Variants in MAP2K5 observed in about 807,000 individuals in gnomAD.
MAP2K5 encodes the protein dual specificity mitogen-activated protein kinase kinase 5.
MAP2K5 carries 49 observed loss-of-function variants against 83.1 expected under a neutral mutation model. That is an observed-to-expected ratio of 0.59 (90% CI 0.47 to 0.75). MAP2K5 has a LOEUF of 0.75. MAP2K5 is among the 30% of genes least tolerant of loss of function. The pLI is 0.00. For synonymous variants in MAP2K5, 202 were observed against 191.8 expected (o/e 1.05, Z -0.44); for missense variants, 457 against 557.5 (o/e 0.82, Z 1.82).
At position 67,650,576 on chromosome 15, in the gene MAP2K5, A is replaced by G. The variant is rs191350914; in HGVS notation, c.736+4107A>G. Among the ~76,000 whole-genome samples, 144 of 148,522 alleles carry G rather than the reference A, an allele frequency of 9.7e-4. 1 individual carries two copies. Among genetic ancestry groups the G allele is most frequent in the Non-Finnish European group, 1.9e-3 (129 of 67,268 alleles). On this transcript the variant is annotated intron_variant, in intron 11 of 21. Transcript: ENST00000178640. ...TTTGTCAAATGCCTGTTTTATATCTATTGAAATAATCGTGCATATTTGGTC... is the reference window on the plus strand; with the variant it reads ...TTTGTCAAATGCCTGTTTTATATCTGTTGAAATAATCGTGCATATTTGGTC...
At position 67,563,444 on chromosome 15, in the gene MAP2K5, C is replaced by T; in HGVS notation, c.252+94C>T. Reference sequence around the variant, plus strand: ...ATAGTGAAGACGAGTAAATAAATCACAGTTGTCATACATTTTTCTATATAA... The same window carrying T: ...ATAGTGAAGACGAGTAAATAAATCATAGTTGTCATACATTTTTCTATATAA... On this transcript the variant is annotated intron_variant, in intron 3 of 21. Coordinates refer to ENST00000178640, the MANE Select transcript of MAP2K5 (RefSeq NM_145160.3). This position sits in a 1 kb window ranked among gnomAD's most constrained non-coding sequence, Gnocchi z 4.5. 1 of 1,441,538 alleles carries T rather than the reference C, an allele frequency of 6.9e-7. No individual in the cohort carries two copies. The highest frequency in any genetic ancestry group is 1.4e-5 in the African/African-American group (1 of 70,546). 89.3% of individuals were successfully genotyped at this position (1,441,538 alleles called of 1,614,324 possible). A position where few individuals can be genotyped will look rare whatever the true frequency, so the allele number is the denominator to read the frequency against.
At chr15:67,752,529 T>TGAGCC (rs2089742996) in intron 19 of MAP2K5, among the ~76,000 whole-genome samples, 2 of 151,312 alleles carry the variant, frequency 1.3e-5, no homozygotes, top group African/African-American at 2.4e-5. Context: ...AATACAAAAA[T>TGAGCC]GAGCCGAGCC....
chr15:67,627,130 T>A (rs1474697402), intron 8 of MAP2K5, among the ~76,000 whole-genome samples: 1 of 152,010 alleles, frequency 6.6e-6, no homozygotes, highest in African/African-American at 2.4e-5. Flanking sequence ...TTATTTTTTT[T>A]AAAAGACAGT....
intron 11 of MAP2K5, 113 bp from the exon 12 acceptor site, chr15:67,658,440 A>G (rs951241930): frequency 5.2e-5 from 41 of 783,084 alleles, no homozygotes; most frequent in Non-Finnish European, 7.3e-5. Flanking sequence ...TACACATCCA[A>G]TGCATGCTGT....
In MAP2K5 at chr15:67,628,724, A is replaced by G; in HGVS notation, c.546-2164A>G. 5 of 786,408 alleles carry G rather than the reference A, an allele frequency of 6.4e-6. No homozygotes were observed. The South Asian group carries it at 6.7e-5, about 10-fold the overall frequency. 48.7% of individuals were successfully genotyped at this position (786,408 alleles called of 1,614,324 possible). Reference sequence around the variant, plus strand: ...TAGGAAAGCCCTGTTAAAGCAAGAGATGGCTAATGCTTCAGCCAGCCAAAG... The same window carrying G: ...TAGGAAAGCCCTGTTAAAGCAAGAGGTGGCTAATGCTTCAGCCAGCCAAAG... On this transcript the variant is annotated intron_variant, in intron 8 of 21. Transcript: ENST00000178640.
intron 15 of MAP2K5, among the ~76,000 whole-genome samples, chr15:67,695,199 T>G (rs2088220532): frequency 6.6e-6 from 1 of 151,960 alleles, no homozygotes; most frequent in Admixed American, 6.6e-5. Context: ...GCATGGCACA[T>G]GTATACATAT....
intron 1 of MAP2K5, chr15:67,546,350 A>G (rs1255621815): frequency 6.6e-6 from 1 of 152,510 alleles, no homozygotes; most frequent in East Asian, 1.9e-4. Context: ...ATACCTTGCT[A>G]AAGCCACCCA....
intron 12 of MAP2K5, chr15:67,658,971 T>G: frequency 5.5e-6 from 2 of 364,096 alleles, no homozygotes; most frequent in South Asian, 4.5e-5. Flanking sequence ...TTAAAAAGTC[T>G]GAGTTGTTAA....
chr15:67,624,636 T>A (rs1488115946), intron 8 of MAP2K5, among the ~76,000 whole-genome samples: 3 of 123,374 alleles, frequency 2.4e-5, no homozygotes, highest in African/African-American at 8.9e-5. Flanking sequence ...TGTGTGTGTG[T>A]GTGAGTGTGT....
At chr15:67,712,458 G>A (rs1047075564) in intron 16 of MAP2K5, among the ~76,000 whole-genome samples, 3 of 152,190 alleles carry the variant, frequency 2.0e-5, no homozygotes, top group Non-Finnish European at 2.9e-5. Flanking sequence ...AAAAAGAAAA[G>A]CAATTTGGAT....
rs1410119571 is a variant in MAP2K5, at chr15:67,780,523, A to T, written c.1242+7771A>T. On this transcript the variant is annotated intron_variant, in intron 21 of 21. Transcript: ENST00000178640. This position sits in a 1 kb window ranked among gnomAD's most constrained non-coding sequence, Gnocchi z 5.0. ...TAAAGTAGACACTAAACAGATAGAC[A>T]AACAAGACATGTATCTGGTTCTCCA... Among the ~76,000 whole-genome samples the T allele has an allele frequency of 6.6e-6, 1 of 152,184 alleles. No homozygotes were observed.
Position 67,748,155 on chromosome 15 carries a change from T to G in MAP2K5, c.1075-76T>G. 9.7e-7 allele frequency: 1 copy of G among 1,034,900 alleles called. No homozygotes were observed. Among genetic ancestry groups the G allele is most frequent in the Non-Finnish European group, 1.5e-6 (1 of 674,872 alleles). The allele number at this position is 1,034,900 out of a possible 1,614,324, so 64.1% of individuals were successfully genotyped here. A position where few individuals can be genotyped will look rare whatever the true frequency, so the allele number is the denominator to read the frequency against. On this transcript the variant is annotated intron_variant, in intron 17 of 21. Coordinates refer to ENST00000178640, the MANE Select transcript of MAP2K5 (RefSeq NM_145160.3). This position sits in a 1 kb window ranked among gnomAD's most constrained non-coding sequence, Gnocchi z 4.0. ...AATTGCCACCAGCAATGCAATAATT[T>G]TCTCTCAGTGATCATAATGTGTCCA...
In MAP2K5 at chr15:67,720,270, ATATG is replaced by A. The variant is rs2088926559; in HGVS notation, c.1045-7645_1045-7642del. Among the ~76,000 whole-genome samples the A allele has an allele frequency of 6.6e-6, 1 of 152,006 alleles. No homozygotes were observed. Among genetic ancestry groups the A allele is most frequent in the African/African-American group, 2.4e-5 (1 of 41,356 alleles). ...AACACACGCATATATATACACACAC[ATATG>A]CTTATATATACATAAGTATACACAT... On this transcript the variant is annotated intron_variant, in intron 16 of 21. Coordinates refer to ENST00000178640, the MANE Select transcript of MAP2K5 (RefSeq NM_145160.3). This position sits in a 1 kb window ranked among gnomAD's most constrained non-coding sequence, Gnocchi z 5.7.
At chr15:67,730,498 A>C (rs866748988) in intron 17 of MAP2K5, among the ~76,000 whole-genome samples, 1 of 152,182 alleles carries the variant, frequency 6.6e-6, no homozygotes, top group South Asian at 2.1e-4. Context: ...GACATCATCA[A>C]ATCAAACTTC....
At chr15:67,649,374 G>A (rs1475425126) in intron 11 of MAP2K5, among the ~76,000 whole-genome samples, 1 of 151,112 alleles carries the variant, frequency 6.6e-6, no homozygotes, top group Non-Finnish European at 1.5e-5. Flanking sequence ...CTTTTTTTGA[G>A]CTGCGGTCTC....
In MAP2K5 at chr15:67,635,306, C is replaced by G. The variant is rs546574199; in HGVS notation, c.585+4379C>G. On this transcript the variant is annotated intron_variant, in intron 9 of 21. Coordinates refer to ENST00000178640, the MANE Select transcript of MAP2K5 (RefSeq NM_145160.3). ...TCTTCTGCCTCAGCCTCCCGAGTAG[C>G]TGGGACTACAGGCGCCTGCCACCAC... Among the ~76,000 whole-genome samples the G allele has an allele frequency of 4.0e-5, 6 of 151,634 alleles. No individual in the cohort carries two copies. The East Asian group carries it at 1.2e-3, about 29-fold the overall frequency.
chr15:67,636,618 C>T lies in MAP2K5; in HGVS notation c.585+5691C>T, dbSNP rs192462586. Among the ~76,000 whole-genome samples, 169 of 152,020 alleles carry T rather than the reference C, an allele frequency of 1.1e-3. No individual in the cohort carries two copies. The highest frequency in any genetic ancestry group is 3.7e-3 in the African/African-American group (154 of 41,446). ...AGAAAGTAAAGGAATAAGAGAATAG[C>T]TACTCTGCTTGAGCAGAGCAGCTAT... On this transcript the variant is annotated intron_variant, in intron 9 of 21. Transcript: ENST00000178640. The surrounding 1 kb of genome is among the most constrained non-coding windows in gnomAD (Gnocchi z 4.7).
In MAP2K5 at chr15:67,690,577, AG is replaced by A. The variant is rs2088081965; in HGVS notation, c.848-1900del. Among the ~76,000 whole-genome samples, 1 of 149,276 alleles carries A rather than the reference AG, an allele frequency of 6.7e-6. No homozygotes were observed. Among genetic ancestry groups the A allele is most frequent in the African/African-American group, 2.5e-5 (1 of 40,338 alleles). ...TGAGACAAGTCTCGCTCTGATACCC[AG>A]GCTACAGTGCAGTGGCACCATCTCA... On this transcript the variant is annotated intron_variant, in intron 13 of 21. Transcript: ENST00000178640. The surrounding 1 kb of genome is among the most constrained non-coding windows in gnomAD (Gnocchi z 4.3).
chr15:67,799,187 AAAT>A (rs1413207212), intron 21 of MAP2K5, among the ~76,000 whole-genome samples: 2 of 152,324 alleles, frequency 1.3e-5, no homozygotes, highest in African/African-American at 2.4e-5. Flanking sequence ...AAAATAATAA[AAAT>A]AATAAATCAG....
Sources: gnomAD v4.1 joint callset for allele counts (sites outside exome capture counted in the v4.1 genomes callset) on GRCh38, gnomAD v4.1.1 for gene constraint, Gnocchi (gnomAD v3.1) non-coding constraint, MANE v1.5 for transcripts, NCBI Gene and HGNC (gene_info 2026-07-23, HGNC 2026-07-21) for gene names.